The following AUTS2 variants were observed in gnomAD, a reference collection of about 807,000 sequenced individuals.
AUTS2 encodes the protein autism susceptibility gene 2 protein.
AUTS2 carries 17 observed loss-of-function variants against 112.4 expected under a neutral mutation model. The observed-to-expected ratio is 0.15, with a 90% CI of 0.10 to 0.23. AUTS2 has a LOEUF of 0.23. AUTS2 is among the 10% of genes least tolerant of loss of function. AUTS2 has a pLI of 1.00. For synonymous variants in AUTS2, 751 were observed against 702.7 expected (o/e 1.07, Z -1.09); for missense variants, 1,510 against 1,701.6 (o/e 0.89, Z 1.98).
chr7:70,721,657 A>G (rs895523779), intron 6 of AUTS2, among the ~76,000 whole-genome samples: 66 of 152,290 alleles, frequency 4.3e-4, no homozygotes, highest in African/African-American at 1.6e-3. Flanking sequence ...GTAGCAGTTC[A>G]TGACCTGCTA....
At chr7:70,556,301 G>A (rs1801247552) in intron 5 of AUTS2, among the ~76,000 whole-genome samples, 3 of 152,094 alleles carry the variant, frequency 2.0e-5, no homozygotes, top group African/African-American at 7.2e-5. Flanking sequence ...CTCCCATCAG[G>A]TCCCACCTCC....
intron 6 of AUTS2, among the ~76,000 whole-genome samples, chr7:70,732,854 G>A (rs986000715): frequency 6.6e-6 from 1 of 152,166 alleles, no homozygotes; most frequent in Admixed American, 6.5e-5. Flanking sequence ...GCATTTTCTT[G>A]TTTATTGTAG....
rs934182602 is a variant in AUTS2, at chr7:70,781,590, C to A, written c.2005-25C>A. 3.1e-6 allele frequency: 5 copies of A among 1,612,902 alleles called. No homozygotes were observed. The African/African-American group carries it at 5.3e-5, about 17-fold the overall frequency. The stretch of plus-strand genomic sequence containing the variant: ...TATTCCTTGCTGTTGGCCTTGGGAC[C>A]CTTACTGTTCCCCTTGCTGTGTAGA... On this transcript the variant is annotated intron_variant, in intron 14 of 18. Transcript: ENST00000342771.
chr7:70,575,930 T>C (rs1419891679), intron 5 of AUTS2, among the ~76,000 whole-genome samples: 1 of 152,184 alleles, frequency 6.6e-6, no homozygotes, highest in Non-Finnish European at 1.5e-5. Context: ...AATTTCAGAT[T>C]GGGACATAGT....
At position 69,914,864 on chromosome 7, in the gene AUTS2, G is replaced by A. The variant is rs992459450; in HGVS notation, c.522+15366G>A. On this transcript the variant is annotated intron_variant, in intron 2 of 18. Coordinates refer to ENST00000342771, the MANE Select transcript of AUTS2 (RefSeq NM_015570.4). ...AAAAATTATTGTCCCACGTGCCCTCGGTTTAAAATGTTTTGATCTTAGAAA... is the reference window on the plus strand; with the variant it reads ...AAAAATTATTGTCCCACGTGCCCTCAGTTTAAAATGTTTTGATCTTAGAAA... 4.0e-5 allele frequency among the ~76,000 whole-genome samples: 6 copies of A among 151,882 alleles called. No homozygotes were observed. In the East Asian group the frequency reaches 1.2e-3, roughly 29 times the overall value.
At chr7:69,867,541 C>A (rs1205702271) in intron 1 of AUTS2, among the ~76,000 whole-genome samples, 1 of 152,166 alleles carries the variant, frequency 6.6e-6, no homozygotes, top group African/African-American at 2.4e-5. Context: ...TTCCCCAGGG[C>A]AGTGATGTTC....
At chr7:70,667,648 G>T (rs1338932483) in intron 5 of AUTS2, among the ~76,000 whole-genome samples, 1 of 152,214 alleles carries the variant, frequency 6.6e-6, no homozygotes, top group African/African-American at 2.4e-5. Context: ...ACTTTGGTAA[G>T]ACTGGGATCC....
chr7:70,419,309 G>A (rs1269141913), intron 4 of AUTS2, among the ~76,000 whole-genome samples: 2 of 151,910 alleles, frequency 1.3e-5, no homozygotes, highest in Non-Finnish European at 2.9e-5. Flanking sequence ...CAGAGAGTTA[G>A]AAACACCAGG....
At chr7:69,929,519 A>G (rs1029138949) in intron 2 of AUTS2, among the ~76,000 whole-genome samples, 4 of 151,710 alleles carry the variant, frequency 2.6e-5, no homozygotes, top group Admixed American at 6.6e-5. Context: ...AACTCTTCCT[A>G]GAGTTTCCTG....
At chr7:70,334,274 G>C (rs939109505) in intron 4 of AUTS2, among the ~76,000 whole-genome samples, 2 of 152,128 alleles carry the variant, frequency 1.3e-5, no homozygotes, top group Admixed American at 6.5e-5. Context: ...TCTATTTCTA[G>C]TTTTGTGAGT....
Position 70,090,621 on chromosome 7 carries a change from A to G in AUTS2, c.523-27511A>G, listed in dbSNP as rs376538859. ...TCTGGTGCTCTTCATTCTTCTTTAC[A>G]TAGATGCATTTCTATGTAATACCAT... is the stretch of plus-strand genomic sequence containing the variant. On this transcript the variant is annotated intron_variant, in intron 2 of 18. Transcript: ENST00000342771. Among the ~76,000 whole-genome samples, 149 of 151,060 alleles carry G rather than the reference A, an allele frequency of 9.9e-4. 1 individual carries two copies. Among genetic ancestry groups the G allele is most frequent in the South Asian group, 6.5e-3 (31 of 4,780 alleles).
intron 6 of AUTS2, among the ~76,000 whole-genome samples, chr7:70,707,919 A>G (rs532782915): frequency 1.3e-5 from 2 of 152,200 alleles, no homozygotes; most frequent in Admixed American, 1.3e-4. Context: ...TGCTGTTAAC[A>G]GGGAATGGCG....
chr7:70,190,186 A>AT (rs1809808963), intron 4 of AUTS2, among the ~76,000 whole-genome samples: 1 of 152,176 alleles, frequency 6.6e-6, no homozygotes, highest in African/African-American at 2.4e-5. Context: ...TTTTCTTCCC[A>AT]TACCTTAGCT....
intron 6 of AUTS2, among the ~76,000 whole-genome samples, chr7:70,719,481 C>CGAAATGGA (rs1010399246): frequency 6.6e-6 from 1 of 150,442 alleles, no homozygotes; most frequent in Non-Finnish European, 1.5e-5. Flanking sequence ...CACCCACCCC[C>CGAAATGGA]GAAATGGAGT....
At position 69,897,651 on chromosome 7, in the gene AUTS2, G is replaced by A. The variant is rs149785437; in HGVS notation, c.310-1635G>A. 3.1e-3 allele frequency among the ~76,000 whole-genome samples: 474 copies of A among 152,080 alleles called. 5 individuals carry two copies. Among genetic ancestry groups the A allele is most frequent in the African/African-American group, 0.011 (455 of 41,460 alleles). On this transcript the variant is annotated intron_variant, in intron 1 of 18. Transcript: ENST00000342771. ...CAGGCATCTGTAACCCCAGCTACTC[G>A]GGAGGCTGAGGCAGGGAATCGCTTG...
intron 1 of AUTS2, among the ~76,000 whole-genome samples, chr7:69,684,109 G>T (rs766006884): frequency 6.6e-5 from 10 of 152,192 alleles, no homozygotes; most frequent in Non-Finnish European, 1.5e-4. Context: ...CTTAGGGCAT[G>T]ATGAAGACCT....
rs969051399 is a variant in AUTS2 at position 69,598,802 on chromosome 7, G to A, written c.-852G>A. 1 of 150,312 alleles carries A rather than the reference G, an allele frequency of 6.7e-6. No individual in the cohort carries two copies. 9.3% of individuals were successfully genotyped at this position (150,312 alleles called of 1,614,324 possible). ...GAGGGGGGCGGGTGGCAGCGACAGG[G>A]TTTGCTTCTTCTCTTCTTTCATCTC... On this transcript the variant is annotated 5_prime_UTR_variant, in exon 1 of 19. Transcript: ENST00000342771.
chr7:70,222,327 G>T (rs1233193908), intron 4 of AUTS2, among the ~76,000 whole-genome samples: 2 of 152,174 alleles, frequency 1.3e-5, no homozygotes, highest in Non-Finnish European at 2.9e-5. Flanking sequence ...TTTGCAAGGT[G>T]AGTGAAGGTG....
At chr7:70,261,900 C>T (rs968886429) in intron 4 of AUTS2, among the ~76,000 whole-genome samples, 7 of 152,130 alleles carry the variant, frequency 4.6e-5, no homozygotes, top group African/African-American at 1.7e-4. Flanking sequence ...TTTATATTGT[C>T]TATTTGGCTT....
Sources: gnomAD v4.1 joint callset for allele counts (sites outside exome capture counted in the v4.1 genomes callset) on GRCh38, gnomAD v4.1.1 for gene constraint, MANE v1.5 for transcripts, NCBI Gene and HGNC (gene_info 2026-07-23, HGNC 2026-07-21) for gene names.